TM9SF2: variants seen among roughly 807,000 people sequenced by gnomAD.
TM9SF2 encodes 76 kDa membrane protein.
A neutral mutation model predicts 84.9 loss-of-function variants in TM9SF2; 13 were observed. The ratio of observed to expected loss-of-function variants is 0.15; its 90% CI spans 0.10 to 0.24. TM9SF2 has a LOEUF of 0.24. TM9SF2 is among the 10% of genes least tolerant of loss of function. The pLI is 1.00. For synonymous variants in TM9SF2, 273 were observed against 285.8 expected, an observed-to-expected ratio of 0.96 and a Z score of 0.45; for missense variants, 562 against 818.5, an observed-to-expected ratio of 0.69 and a Z score of 3.82.
intron 15 of TM9SF2, among the ~76,000 whole-genome samples, chr13:99,557,555 G>A (rs1249612198): frequency 6.6e-6 from 1 of 151,126 alleles, no homozygotes; most frequent in African/African-American, 2.4e-5. Flanking sequence ...TTCTTCCGTT[G>A]CTTATGCTTT....
At chr13:99,510,467 C>T (rs1000358540) in intron 1 of TM9SF2, among the ~76,000 whole-genome samples, 2 of 152,198 alleles carry the variant, frequency 1.3e-5, no homozygotes, top group African/African-American at 4.8e-5. Context: ...GCTCACGATT[C>T]TGCAGGCTGT....
chr13:99,524,433 T>G (rs2046173452), intron 3 of TM9SF2, among the ~76,000 whole-genome samples: 1 of 151,982 alleles, frequency 6.6e-6, no homozygotes, highest in African/African-American at 2.4e-5. Context: ...AAGAGCCAGG[T>G]TGGGGGATGG....
At chr13:99,549,018 A>G (rs1312382100) in intron 11 of TM9SF2, 147 bp from the exon 12 acceptor site, 12 of 589,978 alleles carry the variant, frequency 2.0e-5, no homozygotes, top group Non-Finnish European at 3.5e-5. Flanking sequence ...TAATAAAGGA[A>G]TATCATATTA....
chr13:99,514,894 T>C (rs890910664), intron 1 of TM9SF2, among the ~76,000 whole-genome samples: 1 of 152,210 alleles, frequency 6.6e-6, no homozygotes, highest in Non-Finnish European at 1.5e-5. Context: ...TGCTCTTGAA[T>C]CTTCTCAAAA....
intron 3 of TM9SF2, 91 bp from the exon 4 acceptor site, chr13:99,529,376 A>G: frequency 1.7e-6 from 2 of 1,193,690 alleles, no homozygotes; most frequent in African/African-American, 1.6e-5. Context: ...AAGTAATTTA[A>G]TGGGACCAGC....
intron 4 of TM9SF2, among the ~76,000 whole-genome samples, chr13:99,535,117 A>T (rs1172323964): frequency 6.6e-6 from 1 of 152,150 alleles, no homozygotes; most frequent in Non-Finnish European, 1.5e-5. Flanking sequence ...ATGCTACTGC[A>T]CTCCAGCCTG....
At chr13:99,536,303 T>G (rs9585117) in intron 4 of TM9SF2, among the ~76,000 whole-genome samples, 3,775 of 151,862 alleles carry the variant, frequency 0.025, 167 homozygotes, top group African/African-American at 0.086. Context: ...TTTTTTGTTT[T>G]TTTTTTTTTC....
chr13:99,552,378 G>A, intron 13 of TM9SF2, 52 bp downstream of exon 13: 3 of 1,542,148 alleles, frequency 1.9e-6, no homozygotes, highest in Non-Finnish European at 2.7e-6. Context: ...GCAGAAATTA[G>A]CATATGCCAT....
chr13:99,554,810 C>G (rs865832787), intron 14 of TM9SF2, among the ~76,000 whole-genome samples: 2 of 152,130 alleles, frequency 1.3e-5, no homozygotes, highest in Non-Finnish European at 2.9e-5. Flanking sequence ...GAAAATTCAC[C>G]GAAGTTTCTC....
intron 11 of TM9SF2, 138 bp downstream of exon 11, chr13:99,547,242 G>A (rs2046286753): frequency 3.2e-6 from 4 of 1,233,774 alleles, no homozygotes; most frequent in Non-Finnish European, 4.4e-6. Flanking sequence ...AAAGGAGCCT[G>A]CTTGGTGATT....
intron 12 of TM9SF2, among the ~76,000 whole-genome samples, 156 bp downstream of exon 12, chr13:99,549,378 C>T (rs2046296516): frequency 1.3e-5 from 2 of 152,060 alleles, no homozygotes; most frequent in East Asian, 1.9e-4. Context: ...ATTTTATAAA[C>T]GTTTGCCAAA....
At chr13:99,524,777 G>C (rs2046174862) in intron 3 of TM9SF2, among the ~76,000 whole-genome samples, 1 of 151,886 alleles carries the variant, frequency 6.6e-6, no homozygotes, top group South Asian at 2.1e-4. Context: ...TGGTCAGGCT[G>C]GTCTCGAACT....
intron 1 of TM9SF2, among the ~76,000 whole-genome samples, chr13:99,506,392 C>A (rs975149787): frequency 1.2e-4 from 19 of 152,168 alleles, no homozygotes; most frequent in African/African-American, 4.3e-4. Flanking sequence ...TGATTCTTAG[C>A]TTCTGGGAAC....
At chr13:99,555,277 G>A (rs958310053) in intron 14 of TM9SF2, among the ~76,000 whole-genome samples, 2 of 152,114 alleles carry the variant, frequency 1.3e-5, no homozygotes, top group Non-Finnish European at 2.9e-5. Flanking sequence ...ACCAGGAGAC[G>A]AGTAGTCTAG....
chr13:99,553,933 C>T (rs904121592), intron 13 of TM9SF2, among the ~76,000 whole-genome samples: 4 of 152,190 alleles, frequency 2.6e-5, no homozygotes, highest in East Asian at 1.9e-4. Context: ...ACCAAAATTC[C>T]AGAACCAGCT....
At chr13:99,547,679 A>G (rs1054418569) in intron 11 of TM9SF2, among the ~76,000 whole-genome samples, 2 of 152,218 alleles carry the variant, frequency 1.3e-5, no homozygotes, top group African/African-American at 2.4e-5. Flanking sequence ...GTTCAGTGAA[A>G]CAAAAGGCTC....
chr13:99,535,359 A>G (rs1404632361), intron 4 of TM9SF2, among the ~76,000 whole-genome samples: 1 of 152,234 alleles, frequency 6.6e-6, no homozygotes, highest in Non-Finnish European at 1.5e-5. Context: ...CTTTCCCTCC[A>G]GTATGGTAGC....
chr13:99,545,335 C>G (rs1173912557), intron 10 of TM9SF2, among the ~76,000 whole-genome samples: 1 of 148,414 alleles, frequency 6.7e-6, no homozygotes, highest in East Asian at 2.0e-4. Flanking sequence ...ACTAGGATAT[C>G]TTTTTTTTTT....
intron 1 of TM9SF2, among the ~76,000 whole-genome samples, chr13:99,509,811 A>C (rs1162835321): frequency 2.0e-5 from 3 of 152,222 alleles, no homozygotes; most frequent in African/African-American, 7.2e-5. Flanking sequence ...TATCTGTAGC[A>C]TGCGGTTGCC....
Sources: allele counts gnomAD v4.1 joint callset (sites outside exome capture counted in the v4.1 genomes callset), GRCh38; gene constraint gnomAD v4.1.1; transcripts MANE v1.5; gene names NCBI Gene and HGNC (gene_info 2026-07-23, HGNC 2026-07-21).